RFC2: variants seen among roughly 807,000 people sequenced by gnomAD.
RFC2 encodes replication factor C subunit 2.
In RFC2, 34 loss-of-function variants were observed where a neutral mutation model predicts 44.8. That is an observed-to-expected ratio of 0.76 (90% CI 0.58 to 1.01). The LOEUF (loss-of-function observed/expected upper bound fraction) is 1.01, where lower values mean the gene tolerates loss of function less well. Among genes scored for constraint, RFC2 ranks in the 50% least tolerant of loss-of-function variants. The probability of loss-of-function intolerance (pLI) is 0.00; values close to 1 mark genes in which losing one functional copy is unlikely to be tolerated. For missense variants in RFC2, 400 were observed against 453.6 expected, an observed-to-expected ratio of 0.88 and a Z score of 1.07; for synonymous variants, 177 against 168.9, an observed-to-expected ratio of 1.05 and a Z score of -0.37.
intron 6 of RFC2, among the ~76,000 whole-genome samples, chr7:74,240,502 CAAAAA>C (rs1216974808): frequency 1.4e-5 from 1 of 73,368 alleles, no homozygotes; most frequent in African/African-American, 4.3e-5. Flanking sequence ...GCTGTGTCTC[CAAAAA>C]AAAAAAAAAA....
intron 3 of RFC2, 105 bp downstream of exon 3, chr7:74,249,634 G>A (rs1803820422): frequency 2.2e-6 from 2 of 926,514 alleles, no homozygotes; most frequent in Non-Finnish European, 3.6e-6. Flanking sequence ...CCGGGGGAAT[G>A]GGAAGGGGCT....
At chr7:74,247,965 T>C (rs1357603437) in intron 4 of RFC2, among the ~76,000 whole-genome samples, 1 of 152,040 alleles carries the variant, frequency 6.6e-6, no homozygotes, top group Non-Finnish European at 1.5e-5. Context: ...ACACTTTATT[T>C]TTACTTTTAT....
At chr7:74,244,348 TAA>T (rs201550100) in intron 5 of RFC2, among the ~76,000 whole-genome samples, 2 of 146,492 alleles carry the variant, frequency 1.4e-5, no homozygotes, top group Admixed American at 6.8e-5. Flanking sequence ...ACTGCCACAT[TAA>T]AAAAAAAAAA....
At chr7:74,253,980 A>G (rs1047539702) in intron 1 of RFC2, among the ~76,000 whole-genome samples, 3 of 152,206 alleles carry the variant, frequency 2.0e-5, no homozygotes, top group Non-Finnish European at 4.4e-5. Context: ...ACACTACTAT[A>G]CACAAAAACT....
chr7:74,245,330 C>T (rs1355798501), intron 5 of RFC2, among the ~76,000 whole-genome samples: 4 of 151,572 alleles, frequency 2.6e-5, no homozygotes, highest in African/African-American at 9.7e-5. Context: ...TCAGATTCTT[C>T]ATTTATACCA....
intron 10 of RFC2, among the ~76,000 whole-genome samples, chr7:74,234,744 T>C (rs1482233493): frequency 6.6e-6 from 1 of 152,082 alleles, no homozygotes; most frequent in Non-Finnish European, 1.5e-5. Context: ...GGCACCTCCC[T>C]CCGTTCTCAA....
chr7:74,245,765 T>TA (rs1237453467), intron 5 of RFC2, among the ~76,000 whole-genome samples: 2 of 124,580 alleles, frequency 1.6e-5, no homozygotes, highest in African/African-American at 6.1e-5. Context: ...TTAACCACAA[T>TA]AAAAAAATTT....
At chr7:74,244,502 T>C (rs1473478651) in intron 5 of RFC2, among the ~76,000 whole-genome samples, 2 of 151,014 alleles carry the variant, frequency 1.3e-5, no homozygotes, top group Non-Finnish European at 3.0e-5. Context: ...ACAAGCACCA[T>C]TGCATTCCAG....
intron 3 of RFC2, 71 bp downstream of exon 3, chr7:74,249,668 C>T (rs1346493395): frequency 6.9e-6 from 9 of 1,305,562 alleles, no homozygotes; most frequent in Non-Finnish European, 1.0e-5. Flanking sequence ...GCGCTGTGCA[C>T]AAGAAAGCAG....
chr7:74,241,248 T>C (rs1180605182), intron 6 of RFC2, among the ~76,000 whole-genome samples: 4 of 152,134 alleles, frequency 2.6e-5, no homozygotes, highest in Admixed American at 2.6e-4. Flanking sequence ...GACCTAGGAA[T>C]GCATTTTTCT....
At chr7:74,243,739 C>T (rs1049715397) in intron 5 of RFC2, among the ~76,000 whole-genome samples, 6 of 150,178 alleles carry the variant, frequency 4.0e-5, no homozygotes, top group Admixed American at 1.3e-4. Context: ...GCGGGAGGAC[C>T]GCTTGAGACC....
Position 74,243,143 on chromosome 7 carries a change from C to T in RFC2, c.535+3G>A. On this transcript the variant is annotated splice_donor_region_variant and intron_variant, in intron 6 of 10. Coordinates refer to ENST00000055077, the MANE Select transcript of RFC2 (RefSeq NM_181471.3). ...CCCCCAGCCACCGAAAGCTCCCACT[C>T]ACCGATGATCTTATCCGAAGCATTA... 6.2e-7 allele frequency: 1 copy of T among 1,605,988 alleles called. No homozygotes were observed. The highest frequency in any genetic ancestry group is 8.5e-7 in the Non-Finnish European group (1 of 1,172,786).
At chr7:74,253,206 C>G (rs1787069481) in intron 1 of RFC2, among the ~76,000 whole-genome samples, 1 of 151,648 alleles carries the variant, frequency 6.6e-6, no homozygotes. Context: ...TCATCCCTTA[C>G]CTGCCAGTTT....
intron 6 of RFC2, 77 bp downstream of exon 6, chr7:74,243,069 G>A (rs1803425662): frequency 2.2e-6 from 2 of 925,814 alleles, no homozygotes; most frequent in Non-Finnish European, 3.5e-6. Flanking sequence ...GAGCGAAGAG[G>A]GAGACCACAT....
At chr7:74,254,077 G>A (rs1000217670) in intron 1 of RFC2, among the ~76,000 whole-genome samples, 194 bp downstream of exon 1, 2 of 152,118 alleles carry the variant, frequency 1.3e-5, no homozygotes, top group Non-Finnish European at 2.9e-5. Context: ...GACTCCGCTC[G>A]CAGAGTTTAG....
rs1802971999 is a variant in RFC2 at position 74,235,611 on chromosome 7, G to C, written c.875C>G (p.Pro292Arg). ...AAAGATGTTGCCAATGATATCTTCTGGTGAGTAGCCCAGATGCCACAAGTG... is the reference window on the plus strand; with the variant it reads ...AAAGATGTTGCCAATGATATCTTCTCGTGAGTAGCCCAGATGCCACAAGTG... ...LAHLWHLGYS[P>R]EDIIGNIFRV... The change falls in exon 10 of 11, where the codon CCA becomes CGA. Residue 292 changes from proline to arginine, a missense_variant. Pro to Arg is a moderately radical substitution (Grantham distance 103). Coordinates refer to ENST00000055077, the MANE Select transcript of RFC2 (RefSeq NM_181471.3). The C allele has an allele frequency of 1.2e-6, 2 of 1,613,520 alleles. No individual in the cohort carries two copies. The highest frequency in any genetic ancestry group is 1.7e-5 in the Admixed American group (1 of 59,984).
At chr7:74,254,189 C>T (rs1787142416) in intron 1 of RFC2, 82 bp downstream of exon 1, 2 of 1,057,706 alleles carry the variant, frequency 1.9e-6, no homozygotes, top group Middle Eastern at 2.0e-4. Flanking sequence ...GCCCCTGACC[C>T]CCGAGTTTCT....
At chr7:74,246,148 A>G (rs1260604503) in intron 5 of RFC2, among the ~76,000 whole-genome samples, 1 of 151,962 alleles carries the variant, frequency 6.6e-6, no homozygotes, top group Non-Finnish European at 1.5e-5. Context: ...GTGAGCTGAA[A>G]TCGCACCACT....
intron 10 of RFC2, among the ~76,000 whole-genome samples, chr7:74,232,604 T>C (rs995789302): frequency 6.6e-6 from 1 of 152,114 alleles, no homozygotes; most frequent in Non-Finnish European, 1.5e-5. Flanking sequence ...TGGTGGCTCA[T>C]GCCTGTAATC....
Sources: allele counts gnomAD v4.1 joint callset (sites outside exome capture counted in the v4.1 genomes callset), GRCh38; gene constraint gnomAD v4.1.1; transcripts MANE v1.5; gene names NCBI Gene and HGNC (gene_info 2026-07-23, HGNC 2026-07-21).